ANO6: variants seen among roughly 807,000 people sequenced by gnomAD.
ANO6 encodes anoctamin-6.
In ANO6, 106 loss-of-function variants were observed where a neutral mutation model predicts 117.5. The observed-to-expected ratio is 0.90, with a 90% CI of 0.77 to 1.06. ANO6 has a LOEUF of 1.06. Among genes scored for constraint, ANO6 ranks in the 50% least tolerant of loss-of-function variants. The pLI is 0.00. For synonymous variants in ANO6, 367 were observed against 385.1 expected (o/e 0.95, Z 0.55); for missense variants, 955 against 1,121.1 (o/e 0.85, Z 2.12).
intron 1 of ANO6, among the ~76,000 whole-genome samples, chr12:45,272,881 A>G (rs968839553): frequency 2.0e-5 from 3 of 152,228 alleles, no homozygotes; most frequent in Non-Finnish European, 2.9e-5. Context: ...ATAATTCACA[A>G]TAGTCAAGAT....
intron 16 of ANO6, among the ~76,000 whole-genome samples, chr12:45,416,360 T>C (rs1448729618): frequency 2.0e-5 from 3 of 152,224 alleles, no homozygotes; most frequent in Non-Finnish European, 4.4e-5. Flanking sequence ...AAATCTTCTT[T>C]CAACATTCTA....
chr12:45,275,229 GA>G (rs1938516355), intron 1 of ANO6, among the ~76,000 whole-genome samples: 1 of 151,700 alleles, frequency 6.6e-6, no homozygotes. Flanking sequence ...TTTATTTTTT[GA>G]GATGGAATCT....
intron 10 of ANO6, among the ~76,000 whole-genome samples, chr12:45,384,162 T>G (rs757428924): frequency 7.2e-5 from 11 of 152,214 alleles, no homozygotes; most frequent in Non-Finnish European, 1.6e-4. Context: ...GCTTCAAACT[T>G]TTCTTCTGCA....
At chr12:45,380,937 A>C (rs1369501290) in intron 10 of ANO6, among the ~76,000 whole-genome samples, 1 of 152,208 alleles carries the variant, frequency 6.6e-6, no homozygotes, top group Non-Finnish European at 1.5e-5. Flanking sequence ...ACTGCACTCC[A>C]GCCTGAGCGA....
chr12:45,306,311 C>T (rs140268518), intron 2 of ANO6, among the ~76,000 whole-genome samples: 19 of 151,720 alleles, frequency 1.3e-4, no homozygotes, highest in South Asian at 4.2e-4. Context: ...TTAGTCTCTA[C>T]GAAATTTGGA....
chr12:45,354,270 AG>A (rs1941355544), intron 7 of ANO6, among the ~76,000 whole-genome samples: 1 of 151,850 alleles, frequency 6.6e-6, no homozygotes, highest in African/African-American at 2.4e-5. Context: ...CAAAGGATCA[AG>A]ACTCAATAGC....
At chr12:45,282,587 A>C (rs1938776135) in intron 1 of ANO6, among the ~76,000 whole-genome samples, 2 of 152,222 alleles carry the variant, frequency 1.3e-5, no homozygotes, top group Admixed American at 1.3e-4. Flanking sequence ...TATGGACCTT[A>C]GAGCCGGCTG....
At chr12:45,319,601 G>A (rs1026298245) in intron 2 of ANO6, among the ~76,000 whole-genome samples, 22 of 152,238 alleles carry the variant, frequency 1.4e-4, no homozygotes, top group Admixed American at 9.2e-4. Flanking sequence ...GTCTCTGCCA[G>A]GCTTTGGTAT....
chr12:45,331,430 T>C lies in ANO6; in HGVS notation c.279+7T>C. ...TACAAATGAAAAACAAAGGGTAAGT[T>C]TTTATGCTATTTTCCTTTCTTTTTA... On this transcript the variant is annotated splice_region_variant and intron_variant, in intron 3 of 19. Transcript: ENST00000320560. 6.3e-7 allele frequency: 1 copy of C among 1,597,036 alleles called. No individual in the cohort carries two copies. The highest frequency in any genetic ancestry group is 8.5e-7 in the Non-Finnish European group (1 of 1,170,456).
At chr12:45,341,822 C>G (rs1372630632) in intron 3 of ANO6, among the ~76,000 whole-genome samples, 1 of 152,102 alleles carries the variant, frequency 6.6e-6, no homozygotes. Flanking sequence ...AGAGATGAGC[C>G]TCTAAGCCCT....
intron 15 of ANO6, among the ~76,000 whole-genome samples, chr12:45,404,210 C>T (rs1272038603): frequency 6.6e-6 from 1 of 152,110 alleles, no homozygotes; most frequent in East Asian, 1.9e-4. Context: ...ATAATAATCA[C>T]AAAGGCTTTG....
intron 1 of ANO6, among the ~76,000 whole-genome samples, chr12:45,293,333 G>A (rs1386377916): frequency 6.6e-6 from 1 of 152,080 alleles, no homozygotes; most frequent in African/African-American, 2.4e-5. Context: ...ATGGACTAGT[G>A]GAGAAGAAAA....
chr12:45,237,080 G>C (rs1947657357), intron 1 of ANO6, among the ~76,000 whole-genome samples: 1 of 152,098 alleles, frequency 6.6e-6, no homozygotes, highest in South Asian at 2.1e-4. Flanking sequence ...GGTGTCATTT[G>C]TTTTTTTCTT....
At chr12:45,237,379 C>A (rs146245107) in intron 1 of ANO6, among the ~76,000 whole-genome samples, 101 of 152,250 alleles carry the variant, frequency 6.6e-4, no homozygotes, top group African/African-American at 2.2e-3. Flanking sequence ...AGTCTTTAAT[C>A]CATCTTGAAT....
In ANO6 at chr12:45,421,200, T is replaced by C; in HGVS notation, c.2347T>C (p.Phe783Leu). 6.2e-7 allele frequency: 1 copy of C among 1,614,172 alleles called. No homozygotes were observed. Among genetic ancestry groups the C allele is most frequent in the Non-Finnish European group, 8.5e-7 (1 of 1,180,014 alleles). ...GTACATCAACAACACTCTCTCCATC[T>C]TCAAAGTCGCAGACTTCAAAAACAA... ...EGYINNTLSI[F>L]KVADFKNKSK... is the part of the protein sequence containing the mutation. Residue 783 changes from phenylalanine (F) to leucine (L), a missense_variant, in exon 18 of 20, where the codon TTC becomes CTC. Transcript: ENST00000320560.
intron 12 of ANO6, 64 bp downstream of exon 12, chr12:45,390,562 T>A (rs1942420670): frequency 7.3e-7 from 1 of 1,377,326 alleles, no homozygotes; most frequent in East Asian, 2.3e-5. Context: ...CAGATTTTTT[T>A]AATATCTAAT....
intron 1 of ANO6, among the ~76,000 whole-genome samples, chr12:45,250,328 C>T (rs1386940216): frequency 9.9e-5 from 15 of 152,040 alleles, no homozygotes; most frequent in Admixed American, 9.8e-4. Context: ...TAATTCTTTC[C>T]CAATTTCATC....
At chr12:45,240,215 G>A (rs991338488) in intron 1 of ANO6, among the ~76,000 whole-genome samples, 3 of 151,966 alleles carry the variant, frequency 2.0e-5, no homozygotes, top group African/African-American at 7.3e-5. Context: ...TCCTGTATTG[G>A]GTGCGTATAT....
chr12:45,322,946 T>C (rs1281904306), intron 2 of ANO6, among the ~76,000 whole-genome samples: 1 of 152,188 alleles, frequency 6.6e-6, no homozygotes, highest in African/African-American at 2.4e-5. Flanking sequence ...CGTATTTTCC[T>C]TTTGCCCTGC....
Sources: gnomAD v4.1 joint callset for allele counts (sites outside exome capture counted in the v4.1 genomes callset) on GRCh38, gnomAD v4.1.1 for gene constraint, MANE v1.5 for transcripts, NCBI Gene and HGNC (gene_info 2026-07-23, HGNC 2026-07-21) for gene names.